Variants in GABRA2 observed in about 807,000 individuals in gnomAD.
The protein encoded by GABRA2 is gamma-aminobutyric acid type A receptor subunit alpha2.
A neutral mutation model predicts 48.7 loss-of-function variants in GABRA2; 16 were observed. The observed-to-expected ratio is 0.33, with a 90% CI of 0.22 to 0.50. The LOEUF is 0.50. Among genes scored for constraint, GABRA2 ranks in the 20% least tolerant of loss-of-function variants. The pLI, the probability that GABRA2 is intolerant of heterozygous loss-of-function variation, is 0.98. For missense variants in GABRA2, 275 were observed against 535.6 expected (o/e 0.51, Z 4.80); for synonymous variants, 185 against 184.5 (o/e 1.00, Z -0.02).
chr4:46,323,803 A>T (rs1335435898), intron 4 of GABRA2, among the ~76,000 whole-genome samples: 1 of 151,882 alleles, frequency 6.6e-6, no homozygotes, highest in East Asian at 1.9e-4. Flanking sequence ...ACTTGGAGTA[A>T]CCTAGAAAGA....
intron 6 of GABRA2, among the ~76,000 whole-genome samples, chr4:46,308,155 T>C (rs1373409081): frequency 6.6e-6 from 1 of 152,148 alleles, no homozygotes; most frequent in East Asian, 1.9e-4. Flanking sequence ...ATTTTTAATC[T>C]GAAAGACAAT....
intron 6 of GABRA2, among the ~76,000 whole-genome samples, chr4:46,306,101 C>A (rs1435377152): frequency 6.6e-6 from 1 of 152,004 alleles, no homozygotes; most frequent in Non-Finnish European, 1.5e-5. Context: ...AGATAAAAAT[C>A]AAAATTCAAA....
chr4:46,312,588 A>G lies in GABRA2; in HGVS notation c.384T>C (p.Phe128=). ...GAGCTACTGATTTTTTCCCATTGTG[A>G]AAAAAGGTATCTGGAGTCCAGATTT... ...ASKIWTPDTF[F]HNGKKSVAHN... Residue 128 remains phenylalanine (F), a synonymous_variant, in exon 5 of 10, where the codon TTT becomes TTC. Coordinates refer to ENST00000381620, the MANE Select transcript of GABRA2 (RefSeq NM_000807.4). 6.3e-7 allele frequency: 1 copy of G among 1,595,400 alleles called. No homozygotes were observed. Among genetic ancestry groups the G allele is most frequent in the Admixed American group, 1.8e-5 (1 of 56,356 alleles).
At chr4:46,307,818 T>G (rs541636754) in intron 6 of GABRA2, among the ~76,000 whole-genome samples, 1 of 152,156 alleles carries the variant, frequency 6.6e-6, no homozygotes, top group Non-Finnish European at 1.5e-5. Flanking sequence ...AAGAATATAG[T>G]TTTGAGATTT....
At chr4:46,306,312 T>C (rs1261538978) in intron 6 of GABRA2, among the ~76,000 whole-genome samples, 2 of 152,162 alleles carry the variant, frequency 1.3e-5, no homozygotes, top group African/African-American at 4.8e-5. Flanking sequence ...CAGATATCAC[T>C]AGCCTACACA....
At chr4:46,311,027 T>C (rs1727559683) in intron 5 of GABRA2, among the ~76,000 whole-genome samples, 1 of 152,328 alleles carries the variant, frequency 6.6e-6, no homozygotes, top group Non-Finnish European at 1.5e-5. Context: ...CAATTTGTTA[T>C]GGCTTAAATT....
rs114445917 is a variant in GABRA2, at chr4:46,316,779, A to G, written c.256-4063T>C. Reference sequence around the variant, plus strand: ...ATTCTAGTTTTCTCCTCTATAAATTATCTGTTCACTTCATCTACTCAGTTT... The same window carrying G: ...ATTCTAGTTTTCTCCTCTATAAATTGTCTGTTCACTTCATCTACTCAGTTT... On this transcript the variant is annotated intron_variant, in intron 4 of 9. Coordinates refer to ENST00000381620, the MANE Select transcript of GABRA2 (RefSeq NM_000807.4). Among the ~76,000 whole-genome samples, 926 of 152,044 alleles carry G rather than the reference A, an allele frequency of 6.1e-3. 16 individuals are homozygous for G. The highest frequency in any genetic ancestry group is 0.021 in the African/African-American group (887 of 41,534).
rs1734251169 is a variant in GABRA2 at position 46,347,009 on chromosome 4, G to A, written c.188-14327C>T. On this transcript the variant is annotated intron_variant, in intron 3 of 9. Transcript: ENST00000381620. ...AACAATCTGAGTCCTATTTACAATAGCATAAAAATACTTAGGAGTAAATTT... is the reference window on the plus strand; with the variant it reads ...AACAATCTGAGTCCTATTTACAATAACATAAAAATACTTAGGAGTAAATTT... 2.6e-5 allele frequency among the ~76,000 whole-genome samples: 4 copies of A among 151,742 alleles called. No individual in the cohort carries two copies. The South Asian group carries it at 6.2e-4, about 24-fold the overall frequency.
At chr4:46,350,912 G>A (rs1346729169) in intron 3 of GABRA2, among the ~76,000 whole-genome samples, 1 of 151,958 alleles carries the variant, frequency 6.6e-6, no homozygotes, top group African/African-American at 2.4e-5. Context: ...AAGGTGTGGT[G>A]TAGGAGGTAA....
intron 8 of GABRA2, among the ~76,000 whole-genome samples, chr4:46,269,778 C>T (rs927930452): frequency 6.6e-6 from 1 of 151,630 alleles, no homozygotes; most frequent in African/African-American, 2.4e-5. Context: ...AAGATAAAAT[C>T]TCTAATGATA....
chr4:46,250,700 T>C (rs993227739), intron 9 of GABRA2, 96 bp from the exon 10 acceptor site: 2 of 889,562 alleles, frequency 2.2e-6, no homozygotes, highest in Admixed American at 2.7e-5. Flanking sequence ...GGTATCCTAA[T>C]ACAAATCATC....
chr4:46,247,195 A>G lies in GABRA2; in HGVS notation c.*3113T>C, dbSNP rs1418413223. On this transcript the variant is annotated 3_prime_UTR_variant, in exon 10 of 10. Transcript: ENST00000381620. Reference sequence around the variant, plus strand: ...AACATTAAGATTGGCACTTAATAAAATCATTAAAATTTAAAAAATATATAT... The same window carrying G: ...AACATTAAGATTGGCACTTAATAAAGTCATTAAAATTTAAAAAATATATAT... Among the ~76,000 whole-genome samples, 1 of 151,188 alleles carries G rather than the reference A, an allele frequency of 6.6e-6. No individual in the cohort carries two copies. Among genetic ancestry groups the G allele is most frequent in the African/African-American group, 2.4e-5 (1 of 41,332 alleles).
At chr4:46,313,423 C>T (rs1728015074) in intron 4 of GABRA2, among the ~76,000 whole-genome samples, 1 of 151,942 alleles carries the variant, frequency 6.6e-6, no homozygotes, top group Non-Finnish European at 1.5e-5. Flanking sequence ...AAGCACCTTA[C>T]AAGTTTTTAG....
chr4:46,364,975 A>G (rs1460862373), intron 3 of GABRA2: 2 of 152,238 alleles, frequency 1.3e-5, no homozygotes, highest in Admixed American at 1.3e-4. Context: ...TGTCTATTGC[A>G]TAACACTTTC....
rs201157955 is a variant in GABRA2, at chr4:46,250,133, A to G, written c.*175T>C. 1.8e-6 allele frequency: 1 copy of G among 549,756 alleles called. No individual in the cohort carries two copies. The highest frequency in any genetic ancestry group is 3.2e-6 in the Non-Finnish European group (1 of 315,168). 34.1% of individuals were successfully genotyped at this position (549,756 alleles called of 1,614,324 possible). ...TTCGCATGGAGTGCTTTCTGTCTGCAGTTCCATGAGTTAGCAAATGCATGT... is the reference window on the plus strand; with the variant it reads ...TTCGCATGGAGTGCTTTCTGTCTGCGGTTCCATGAGTTAGCAAATGCATGT... On this transcript the variant is annotated 3_prime_UTR_variant, in exon 10 of 10. Coordinates refer to ENST00000381620, the MANE Select transcript of GABRA2 (RefSeq NM_000807.4).
intron 4 of GABRA2, among the ~76,000 whole-genome samples, chr4:46,318,257 AAAAT>A (rs1728878512): frequency 6.6e-6 from 1 of 151,366 alleles, no homozygotes; most frequent in African/African-American, 2.4e-5. Context: ...ATTAGTCCTT[AAAAT>A]AAATATTTAT....
intron 8 of GABRA2, among the ~76,000 whole-genome samples, chr4:46,275,994 T>C (rs141882473): frequency 2.9e-3 from 442 of 152,242 alleles, no homozygotes; most frequent in African/African-American, 0.01. Flanking sequence ...GTGATAACCT[T>C]AGCCTTATAA....
chr4:46,317,798 A>T (rs925057880), intron 4 of GABRA2, among the ~76,000 whole-genome samples: 3 of 151,816 alleles, frequency 2.0e-5, no homozygotes, highest in African/African-American at 4.8e-5. Flanking sequence ...TCAAAAAAAA[A>T]TTTATAATTA....
intron 3 of GABRA2, among the ~76,000 whole-genome samples, chr4:46,375,825 T>G (rs1388809091): frequency 2.0e-5 from 3 of 152,192 alleles, no homozygotes; most frequent in African/African-American, 7.2e-5. Context: ...GTCTTGCTCG[T>G]GATAGTATTT....
Sources: gnomAD v4.1 joint callset for allele counts (sites outside exome capture counted in the v4.1 genomes callset) on GRCh38, gnomAD v4.1.1 for gene constraint, MANE v1.5 for transcripts, NCBI Gene and HGNC (gene_info 2026-07-23, HGNC 2026-07-21) for gene names.